Variants in RBFOX1 observed in about 807,000 individuals in gnomAD.
RBFOX1 encodes RNA binding fox-1 homolog 1, also known as RNA binding protein fox-1 homolog 1.
In RBFOX1, 8 loss-of-function variants were observed where a neutral mutation model predicts 57.7. That is an observed-to-expected ratio of 0.14 (90% confidence interval 0.08 to 0.25). The LOEUF is 0.25. RBFOX1 is among the 10% of genes least tolerant of loss of function. The pLI is 1.00. For synonymous variants in RBFOX1, 326 were observed against 222.4 expected (o/e 1.47, Z -4.15); for missense variants, 611 against 548.5 (o/e 1.11, Z -1.14).
intron 3 of RBFOX1, among the ~76,000 whole-genome samples, chr16:6,684,083 C>T (rs887219255): frequency 1.8e-4 from 28 of 152,104 alleles, no homozygotes; most frequent in African/African-American, 6.8e-4. Flanking sequence ...TGTGTGTACA[C>T]GGTATGTTCA....
intron 2 of RBFOX1, among the ~76,000 whole-genome samples, chr16:5,493,134 T>C (rs1175129465): frequency 2.0e-5 from 3 of 152,240 alleles, no homozygotes; most frequent in Non-Finnish European, 4.4e-5. Context: ...ACAGAAAAAG[T>C]GTGTTGACAC....
intron 2 of RBFOX1, among the ~76,000 whole-genome samples, chr16:6,588,274 C>T (rs1287919142): frequency 6.6e-6 from 1 of 151,586 alleles, no homozygotes; most frequent in Non-Finnish European, 1.5e-5. Flanking sequence ...AGCCACAAAA[C>T]AATTCTTATT....
chr16:6,304,637 C>T (rs944502044), intron 1 of RBFOX1, among the ~76,000 whole-genome samples: 5 of 152,034 alleles, frequency 3.3e-5, no homozygotes, highest in African/African-American at 1.2e-4. Flanking sequence ...AATCCCAGCA[C>T]TTTGGGAGGT....
intron 1 of RBFOX1, among the ~76,000 whole-genome samples, chr16:6,258,163 A>G (rs2052226): frequency 0.82 from 124,465 of 152,112 alleles, 52,907 homozygotes; most frequent in East Asian, 0.95. Flanking sequence ...ACAATTGTCC[A>G]TTTTTGTCTA....
chr16:7,102,097 C>T (rs12597759), intron 4 of RBFOX1, among the ~76,000 whole-genome samples: 1 of 152,154 alleles, frequency 6.6e-6, no homozygotes, highest in East Asian at 1.9e-4. Context: ...CACAACCAAA[C>T]ATACAGGCAG....
chr16:6,692,074 A>G (rs79554365), intron 3 of RBFOX1, among the ~76,000 whole-genome samples: 12,356 of 152,294 alleles, frequency 0.081, 550 homozygotes, highest in African/African-American at 0.098. Flanking sequence ...GACTTTTAAT[A>G]TACAGAACTG....
intron 2 of RBFOX1, among the ~76,000 whole-genome samples, chr16:6,642,183 T>G (rs2154074566): frequency 6.6e-6 from 1 of 152,334 alleles, no homozygotes; most frequent in Non-Finnish European, 1.5e-5. Flanking sequence ...AGGCTCGTAC[T>G]TTCTCTTCGG....
chr16:6,041,116 C>G (rs2095431794), intron 1 of RBFOX1, among the ~76,000 whole-genome samples: 2 of 152,190 alleles, frequency 1.3e-5, no homozygotes, highest in South Asian at 4.1e-4. Flanking sequence ...TCTTCCCTCC[C>G]TGCTCTCCCC....
intron 4 of RBFOX1, among the ~76,000 whole-genome samples, chr16:7,128,475 T>C (rs1250741412): frequency 6.6e-6 from 1 of 152,100 alleles, no homozygotes; most frequent in African/African-American, 2.4e-5. Flanking sequence ...GCGGGGATAG[T>C]TCGGTTCTGT....
intron 3 of RBFOX1, among the ~76,000 whole-genome samples, chr16:6,689,570 G>A (rs1413703553): frequency 3.3e-5 from 5 of 152,066 alleles, no homozygotes; most frequent in African/African-American, 2.4e-5. Flanking sequence ...AGGTGCCTCA[G>A]CCTGTCTATG....
At position 5,832,415 on chromosome 16, in the gene RBFOX1, C is replaced by A. The variant is rs118182219; in HGVS notation, c.319-34888C>A. On this transcript the variant is annotated intron_variant, in intron 3 of 19. Coordinates refer to the RBFOX1 transcript ENST00000641259. ...TTTTGCCACTTCCTAGCTGTGTGAT[C>A]TTGGGATCGTTACTTGACATCTGTG... Among the ~76,000 whole-genome samples the A allele has an allele frequency of 4.7e-3, 714 of 152,326 alleles. 4 individuals are homozygous for A. Among genetic ancestry groups the A allele is most frequent in the Non-Finnish European group, 8.8e-3 (596 of 68,030 alleles).
chr16:7,039,633 G>A (rs1054853792), intron 3 of RBFOX1, among the ~76,000 whole-genome samples: 3 of 152,098 alleles, frequency 2.0e-5, no homozygotes, highest in African/African-American at 7.2e-5. Context: ...GACCGGTGGT[G>A]GGATCTGTAT....
intron 1 of RBFOX1, among the ~76,000 whole-genome samples, chr16:6,248,771 C>G (rs1402486698): frequency 6.6e-6 from 1 of 152,072 alleles, no homozygotes; most frequent in African/African-American, 2.4e-5. Context: ...TCAAAGAAGT[C>G]ACATGCATAT....
intron 4 of RBFOX1, among the ~76,000 whole-genome samples, chr16:7,078,514 A>AT: frequency 6.6e-6 from 1 of 151,316 alleles, no homozygotes; most frequent in Admixed American, 6.6e-5. Flanking sequence ...CGCCTGGCTA[A>AT]TTTTTGTATT....
intron 3 of RBFOX1, among the ~76,000 whole-genome samples, chr16:6,932,801 A>G (rs1301544428): frequency 2.6e-5 from 4 of 152,344 alleles, no homozygotes; most frequent in South Asian, 2.1e-4. Flanking sequence ...GGCATTAAAT[A>G]TAGTCACACT....
At chr16:7,044,938 T>G (rs911231809) in intron 3 of RBFOX1, among the ~76,000 whole-genome samples, 1 of 152,182 alleles carries the variant, frequency 6.6e-6, no homozygotes, top group Non-Finnish European at 1.5e-5. Context: ...AATAACTTAC[T>G]GAGTCTTCCA....
At chr16:7,515,542 C>T (rs2076175804) in intron 4 of RBFOX1, among the ~76,000 whole-genome samples, 1 of 152,036 alleles carries the variant, frequency 6.6e-6, no homozygotes, top group South Asian at 2.1e-4. Context: ...TGCTAATTAC[C>T]TGGAATGTGG....
chr16:6,302,606 C>A (rs987071773), intron 1 of RBFOX1, among the ~76,000 whole-genome samples: 1 of 152,102 alleles, frequency 6.6e-6, no homozygotes. Context: ...TTTGAGGTAT[C>A]TTTGCTCTTA....
intron 2 of RBFOX1, among the ~76,000 whole-genome samples, chr16:6,404,436 G>C (rs1276503438): frequency 6.6e-6 from 1 of 152,126 alleles, no homozygotes; most frequent in African/African-American, 2.4e-5. Flanking sequence ...TACTCAAGGA[G>C]AGTTCAGTTA....
Sources: allele counts gnomAD v4.1 joint callset (sites outside exome capture counted in the v4.1 genomes callset), GRCh38; gene constraint gnomAD v4.1.1; transcripts MANE v1.5; gene names NCBI Gene and HGNC (gene_info 2026-07-23, HGNC 2026-07-21).